Variants in KCNIP4 observed in about 807,000 individuals in gnomAD.
The protein encoded by KCNIP4 is Kv channel-interacting protein 4.
A neutral mutation model predicts 34.0 loss-of-function variants in KCNIP4; 12 were observed. The observed-to-expected ratio is 0.35, with a 90% CI of 0.23 to 0.57. KCNIP4 has a LOEUF of 0.57. Ranked by LOEUF, KCNIP4 falls within the 20% of genes least tolerant of loss-of-function variation. The pLI is 0.83. For synonymous variants in KCNIP4, 124 were observed against 102.2 expected (o/e 1.21, Z -1.29); for missense variants, 238 against 311.7 (o/e 0.76, Z 1.78).
At chr4:21,445,547 G>C (rs1727906018) in intron 1 of KCNIP4, among the ~76,000 whole-genome samples, 1 of 152,190 alleles carries the variant, frequency 6.6e-6, no homozygotes, top group South Asian at 2.1e-4. Context: ...TTAACAAATG[G>C]TGCTGGGAAA....
intron 1 of KCNIP4, among the ~76,000 whole-genome samples, chr4:21,919,125 G>C (rs1428008791): frequency 6.6e-6 from 1 of 152,196 alleles, no homozygotes; most frequent in African/African-American, 2.4e-5. Context: ...TGTCACGGTA[G>C]AGAGTTTTGT....
intron 1 of KCNIP4, among the ~76,000 whole-genome samples, chr4:21,437,736 G>C (rs1577358777): frequency 6.6e-6 from 1 of 152,160 alleles, no homozygotes; most frequent in South Asian, 2.1e-4. Context: ...AGATGGTAAA[G>C]AAACCCTAAC....
At chr4:21,554,337 A>T (rs1425748778) in intron 1 of KCNIP4, among the ~76,000 whole-genome samples, 1 of 152,072 alleles carries the variant, frequency 6.6e-6, no homozygotes, top group Non-Finnish European at 1.5e-5. Flanking sequence ...TGTGCTTGTC[A>T]CAAGAGGATT....
intron 1 of KCNIP4, among the ~76,000 whole-genome samples, chr4:21,608,648 T>C (rs539955050): frequency 1.3e-5 from 2 of 152,208 alleles, no homozygotes; most frequent in African/African-American, 4.8e-5. Flanking sequence ...AGGTCTTTTT[T>C]TGCCATGTAA....
chr4:21,015,075 A>C lies in KCNIP4; in HGVS notation c.62-132366T>G, dbSNP rs190793008. ...ACACATATTTGAAATATCTTAGAAG[A>C]AGCAAATTCATAGAAATAGAAGGTA... On this transcript the variant is annotated intron_variant, in intron 1 of 8. Coordinates refer to ENST00000382152, the MANE Select transcript of KCNIP4 (RefSeq NM_025221.6). Among the ~76,000 whole-genome samples, 933 of 152,204 alleles carry C rather than the reference A, an allele frequency of 6.1e-3. 9 individuals carry two copies. The highest frequency in any genetic ancestry group is 0.01 in the Middle Eastern group (3 of 294).
chr4:21,849,816 C>T (rs1724261778), intron 1 of KCNIP4: 1 of 151,912 alleles, frequency 6.6e-6, no homozygotes, highest in Non-Finnish European at 1.5e-5. Flanking sequence ...AAATTAATTA[C>T]ATATTATCAA....
At chr4:20,976,844 T>A (rs772739155) in intron 1 of KCNIP4, among the ~76,000 whole-genome samples, 6 of 152,094 alleles carry the variant, frequency 3.9e-5, no homozygotes, top group Admixed American at 3.3e-4. Context: ...CTTTTTCTCT[T>A]TTTTTTGAGA....
In KCNIP4 at chr4:21,382,258, C is replaced by G. The variant is rs1721577083; in HGVS notation, c.62-499549G>C. 2.0e-5 allele frequency among the ~76,000 whole-genome samples: 3 copies of G among 152,218 alleles called. No homozygotes were observed. The South Asian group carries it at 6.2e-4, about 32-fold the overall frequency. ...GCCCAGTGAGGTAAACAGGAACATT[C>G]AGGACATCACAGGCCATGTTAAAGA... On this transcript the variant is annotated intron_variant, in intron 1 of 8. Transcript: ENST00000382152.
intron 1 of KCNIP4, among the ~76,000 whole-genome samples, chr4:21,002,926 T>C (rs1306965359): frequency 6.6e-6 from 1 of 152,208 alleles, no homozygotes. Flanking sequence ...TAACCTATTA[T>C]CAGAGCATAT....
At chr4:21,024,052 C>T (rs191464590) in intron 1 of KCNIP4, among the ~76,000 whole-genome samples, 3 of 152,244 alleles carry the variant, frequency 2.0e-5, no homozygotes, top group Non-Finnish European at 4.4e-5. Flanking sequence ...TGGTAATTCC[C>T]AGTTAAACAA....
intron 1 of KCNIP4, among the ~76,000 whole-genome samples, chr4:21,173,668 G>C (rs1395019358): frequency 6.6e-6 from 1 of 152,102 alleles, no homozygotes; most frequent in Non-Finnish European, 1.5e-5. Flanking sequence ...GCCTCTTTGT[G>C]GCAAGTAGCT....
At chr4:21,432,810 T>A (rs1274963364) in intron 1 of KCNIP4, among the ~76,000 whole-genome samples, 1 of 151,954 alleles carries the variant, frequency 6.6e-6, no homozygotes, top group African/African-American at 2.4e-5. Flanking sequence ...AGTAGCAGGC[T>A]ACAAACAGAA....
intron 3 of KCNIP4, among the ~76,000 whole-genome samples, chr4:20,816,954 C>A (rs183573552): frequency 1.3e-5 from 2 of 152,230 alleles, no homozygotes; most frequent in East Asian, 3.9e-4. Context: ...AAAATTCATG[C>A]TTGATGTTCA....
At chr4:21,945,181 T>C (rs1470786439) in intron 1 of KCNIP4, among the ~76,000 whole-genome samples, 4 of 152,184 alleles carry the variant, frequency 2.6e-5, no homozygotes, top group Admixed American at 2.0e-4. Flanking sequence ...GAAATATATC[T>C]TCAAAACAAT....
At chr4:21,105,938 G>A (rs1748478308) in intron 1 of KCNIP4, among the ~76,000 whole-genome samples, 1 of 151,480 alleles carries the variant, frequency 6.6e-6, no homozygotes, top group South Asian at 2.1e-4. Context: ...GCATCCCAGG[G>A]ATGAAGCCCA....
chr4:21,256,023 T>C (rs1355392604), intron 1 of KCNIP4, among the ~76,000 whole-genome samples: 1 of 151,256 alleles, frequency 6.6e-6, no homozygotes, highest in African/African-American at 2.5e-5. Flanking sequence ...GCAGGCTAGA[T>C]AACATCAGGG....
At chr4:21,575,711 C>T (rs928257587) in intron 1 of KCNIP4, among the ~76,000 whole-genome samples, 2 of 152,106 alleles carry the variant, frequency 1.3e-5, no homozygotes, top group Non-Finnish European at 2.9e-5. Flanking sequence ...TTGCAATCTT[C>T]GTGTGATAGT....
At chr4:21,427,959 A>C (rs1416576754) in intron 1 of KCNIP4, among the ~76,000 whole-genome samples, 1 of 152,154 alleles carries the variant, frequency 6.6e-6, no homozygotes, top group Non-Finnish European at 1.5e-5. Flanking sequence ...CATAAGTCAT[A>C]TGAATTGTTC....
chr4:21,081,663 GTATAATATTTTTATTTAAT>G (rs1226184284), intron 1 of KCNIP4, among the ~76,000 whole-genome samples: 5 of 151,732 alleles, frequency 3.3e-5, no homozygotes, highest in African/African-American at 1.2e-4. Context: ...TGAAGTTCTA[GTATAATATTTTTATTTAAT>G]TACATGATTA....
Sources: allele counts gnomAD v4.1 joint callset (sites outside exome capture counted in the v4.1 genomes callset), GRCh38; gene constraint gnomAD v4.1.1; transcripts MANE v1.5; gene names NCBI Gene and HGNC (gene_info 2026-07-23, HGNC 2026-07-21).